Variants in PCNX1 observed in about 807,000 individuals in gnomAD.
PCNX1 encodes pecanex-like protein 1.
In PCNX1, 78 loss-of-function variants were observed where a neutral mutation model predicts 242.2. The observed-to-expected ratio is 0.32, with a 90% CI of 0.27 to 0.39. PCNX1 has a LOEUF of 0.39. Among genes scored for constraint, PCNX1 ranks in the 10% least tolerant of loss-of-function variants. The pLI, the probability that PCNX1 is intolerant of heterozygous loss-of-function variation, is 1.00. For missense variants in PCNX1, 2,581 were observed against 2,856.5 expected (o/e 0.90, Z 2.20); for synonymous variants, 1,024 against 1,032.9 (o/e 0.99, Z 0.17).
chr14:71,105,731 CAG>C (rs1351002815), intron 33 of PCNX1, among the ~76,000 whole-genome samples: 1 of 151,398 alleles, frequency 6.6e-6, no homozygotes, highest in Non-Finnish European at 1.5e-5. Context: ...TTAGTAGAGA[CAG>C]GGTTTCACCA....
chr14:70,946,968 T>A lies in PCNX1; in HGVS notation c.207T>A (p.Ala69=). Residue 69 remains alanine (A), a synonymous_variant, in exon 2 of 36, where the codon GCT becomes GCA. Coordinates refer to ENST00000304743, the MANE Select transcript of PCNX1 (RefSeq NM_014982.3). ...IVAVYCPVIA[A]VFIVLKMVNY... ...CAGTTTATTGTCCTGTGATAGCTGC[T>A]GTTTTCATTGTTCTGAAGATGGTCA... is the stretch of plus-strand genomic sequence containing the variant. The A allele has an allele frequency of 1.2e-6, 2 of 1,614,022 alleles. No homozygotes were observed. Among genetic ancestry groups the A allele is most frequent in the South Asian group, 1.1e-5 (1 of 91,080 alleles).
At chr14:70,993,817 C>T (rs1221615837) in intron 7 of PCNX1, among the ~76,000 whole-genome samples, 1 of 152,186 alleles carries the variant, frequency 6.6e-6, no homozygotes, top group East Asian at 1.9e-4. Flanking sequence ...TATTTTCTTC[C>T]TTGTGAAATT....
intron 6 of PCNX1, among the ~76,000 whole-genome samples, chr14:70,988,153 A>G (rs4147077): frequency 0.56 from 84,820 of 151,960 alleles, 25,063 homozygotes; most frequent in East Asian, 0.74. Context: ...CAATACGAAT[A>G]TAAGAAACTA....
intron 30 of PCNX1, 57 bp from the exon 31 acceptor site, chr14:71,101,933 G>T: frequency 1.1e-6 from 1 of 928,108 alleles, no homozygotes; most frequent in Non-Finnish European, 1.6e-6. Flanking sequence ...AGTAACTGTA[G>T]AAGTTATCAG....
At chr14:71,009,952 T>C (rs1452247446) in intron 9 of PCNX1, 8 of 351,724 alleles carry the variant, frequency 2.3e-5, no homozygotes, top group Admixed American at 4.5e-5. Flanking sequence ...CACATACTTA[T>C]AATCTTGTTT....
In PCNX1 at chr14:70,984,661, C is replaced by T. The variant is rs550248318; in HGVS notation, c.2312-3906C>T. ...TCGGCCTCCCAAAGTGCTGGGATTA[C>T]AGGCGTGAGCCACCGCGACCTGCCG... On this transcript the variant is annotated intron_variant, in intron 6 of 35. Coordinates refer to ENST00000304743, the MANE Select transcript of PCNX1 (RefSeq NM_014982.3). Among the ~76,000 whole-genome samples the T allele has an allele frequency of 3.9e-5, 6 of 152,250 alleles. No homozygotes were observed. In the East Asian group the frequency reaches 1.2e-3, roughly 29 times the overall value.
chr14:71,063,187 C>G (rs1390252211), intron 26 of PCNX1, among the ~76,000 whole-genome samples: 1 of 152,162 alleles, frequency 6.6e-6, no homozygotes, highest in African/African-American at 2.4e-5. Context: ...CCTACTTATT[C>G]TGTTAGGAAC....
chr14:71,051,723 C>T (rs1271563414), intron 23 of PCNX1, among the ~76,000 whole-genome samples, 160 bp from the exon 24 acceptor site: 1 of 152,178 alleles, frequency 6.6e-6, no homozygotes, highest in East Asian at 1.9e-4. Context: ...GTTGGTGACC[C>T]CTTAATGACT....
At chr14:70,968,330 T>A in intron 4 of PCNX1, 87 bp downstream of exon 4, 1 of 735,562 alleles carries the variant, frequency 1.4e-6, no homozygotes, top group Non-Finnish European at 2.2e-6. Context: ...CATTCAAATG[T>A]AATGAAAAAA....
chr14:71,076,211 C>G lies in PCNX1; in HGVS notation c.5129C>G (p.Thr1710Ser), dbSNP rs141929763. Reference protein sequence around the residue: ...YVKGIIYYVTTSSKLEEWLAN... With the variant: ...YVKGIIYYVTSSSKLEEWLAN... ...TAGGGTATCATTTATTATGTTACGA[C>G]CTCGTCTAAGCTAGAGGAGTGGCTA... The change falls in exon 28 of 36, where the codon ACC becomes AGC. Residue 1710 changes from threonine (T) to serine (S), a missense_variant. By Grantham distance (58) the Thr-to-Ser change is moderately conservative. Around this residue, in one of 9 missense-constraint regions of PCNX1, gnomAD observed 298 missense variants for 480.1 expected, o/e 0.62. Transcript: ENST00000304743. 1 of 1,609,752 alleles carries G rather than the reference C, an allele frequency of 6.2e-7. No homozygotes were observed. Among genetic ancestry groups the G allele is most frequent in the African/African-American group, 1.3e-5 (1 of 74,628 alleles).
At chr14:71,061,701 T>C (rs2061330069) in intron 26 of PCNX1, among the ~76,000 whole-genome samples, 1 of 151,904 alleles carries the variant, frequency 6.6e-6, no homozygotes, top group Non-Finnish European at 1.5e-5. Context: ...ACTCAAGAGG[T>C]TCATCTGTGA....
chr14:71,086,628 T>C (rs2061997737), intron 28 of PCNX1, among the ~76,000 whole-genome samples: 1 of 152,194 alleles, frequency 6.6e-6, no homozygotes, highest in Non-Finnish European at 1.5e-5. Context: ...TTGTATTCCA[T>C]TCGGATGATT....
At chr14:70,945,421 C>T (rs1362070520) in intron 1 of PCNX1, among the ~76,000 whole-genome samples, 42 of 151,782 alleles carry the variant, frequency 2.8e-4, no homozygotes, top group Admixed American at 2.8e-3. Context: ...TTTTTAGATA[C>T]ATTAATATGC....
At chr14:70,920,951 C>A (rs902215746) in intron 1 of PCNX1, among the ~76,000 whole-genome samples, 1 of 152,124 alleles carries the variant, frequency 6.6e-6, no homozygotes, top group Non-Finnish European at 1.5e-5. Context: ...CATAATCTTC[C>A]CACTGGGCAA....
intron 30 of PCNX1, among the ~76,000 whole-genome samples, chr14:71,092,365 G>A (rs567463551): frequency 6.6e-6 from 1 of 152,294 alleles, no homozygotes; most frequent in South Asian, 2.1e-4. Context: ...TCAAGAAAAA[G>A]CGACATCATT....
chr14:71,050,752 C>T lies in PCNX1; in HGVS notation c.4439C>T (p.Ala1480Val). The T allele has an allele frequency of 1.2e-6, 2 of 1,613,306 alleles. No individual in the cohort carries two copies. Among genetic ancestry groups the T allele is most frequent in the Non-Finnish European group, 1.7e-6 (2 of 1,179,654 alleles). The change falls in exon 23 of 36, where the codon GCA (alanine) becomes GTA (valine). Residue 1480 changes from alanine (A) to valine (V), a missense_variant. By Grantham distance (64) the Ala-to-Val change is moderately conservative. This residue lies in a region of PCNX1 where 99 missense variants were observed against 147.3 expected (regional missense o/e 0.67). Coordinates refer to ENST00000304743, the MANE Select transcript of PCNX1 (RefSeq NM_014982.3). The stretch of plus-strand genomic sequence containing the variant: ...TTCCATGCTTTTGCTCAGCCTTTTG[C>T]AGTGCCTCGTATCCTTCTAATTAAA... The part of the protein sequence containing the change: ...SAFHAFAQPF[A>V]VPHSAMLFIQ...
At chr14:71,070,268 A>G (rs919352221) in intron 26 of PCNX1, among the ~76,000 whole-genome samples, 6 of 152,276 alleles carry the variant, frequency 3.9e-5, no homozygotes, top group Admixed American at 1.3e-4. Context: ...AAACCCCACA[A>G]AGTCATCCAT....
Position 71,057,520 on chromosome 14 carries a change from A to G in PCNX1, c.4648A>G (p.Asn1550Asp). Residue 1550 changes from asparagine (N) to aspartate (D), a missense_variant, in exon 26 of 36, where the codon AAC becomes GAC. Asn to Asp is a conservative substitution (Grantham distance 23). Around this residue, in one of 9 missense-constraint regions of PCNX1, gnomAD observed 99 missense variants for 147.3 expected, o/e 0.67. Coordinates refer to ENST00000304743, the MANE Select transcript of PCNX1 (RefSeq NM_014982.3). ...ATCTCTTTTTATAGGATCAGATGAC[A>G]ACAATCTGAATTCCATCTTTTATGA... Reference protein sequence around the residue: ...QLDRNPGSDDNNLNSIFYEHL... With the variant: ...QLDRNPGSDDDNLNSIFYEHL... 1 of 1,608,126 alleles carries G rather than the reference A, an allele frequency of 6.2e-7. No individual in the cohort carries two copies. The highest frequency in any genetic ancestry group is 8.5e-7 in the Non-Finnish European group (1 of 1,174,528).
chr14:70,924,445 A>T (rs552961047), intron 1 of PCNX1, among the ~76,000 whole-genome samples: 60 of 152,202 alleles, frequency 3.9e-4, no homozygotes, highest in Non-Finnish European at 7.2e-4. Context: ...ATACTGATAC[A>T]TCATTATTAA....
Sources: gnomAD v4.1 joint callset for allele counts (sites outside exome capture counted in the v4.1 genomes callset) on GRCh38, gnomAD v4.1.1 for gene constraint, gnomAD v4.1.1 regional missense constraint, MANE v1.5 for transcripts, NCBI Gene and HGNC (gene_info 2026-07-23, HGNC 2026-07-21) for gene names.